RAD21L1: variants seen among roughly 807,000 people sequenced by gnomAD.
The protein encoded by RAD21L1 is double-strand-break repair protein rad21-like protein 1.
Under a neutral mutation model 69.0 loss-of-function variants are expected in RAD21L1, and 47 were observed. The observed-to-expected ratio is 0.68, with a 90% confidence interval of 0.54 to 0.87. The LOEUF is 0.87. RAD21L1 is among the 40% of genes least tolerant of loss of function. The pLI, the probability that RAD21L1 is intolerant of heterozygous loss-of-function variation, is 0.00. For synonymous variants in RAD21L1, 177 were observed against 205.8 expected (o/e 0.86, Z 1.20); for missense variants, 583 against 647.6 (o/e 0.90, Z 1.08).
intron 13 of RAD21L1, among the ~76,000 whole-genome samples, chr20:1,250,236 T>G (rs1446597102): frequency 6.6e-6 from 1 of 151,592 alleles, no homozygotes; most frequent in Non-Finnish European, 1.5e-5. Context: ...GTGCCACATT[T>G]TCTTTCTTTT....
chr20:1,230,540 C>A, intron 3 of RAD21L1: 1 of 553,806 alleles, frequency 1.8e-6, no homozygotes, highest in Non-Finnish European at 2.3e-6. Flanking sequence ...TTTTTATTTT[C>A]TACCTTGTAT....
At position 1,243,126 on chromosome 20, in the gene RAD21L1, C is replaced by T; in HGVS notation, c.1113C>T (p.Gly371=). ...TTACAAAATGCTTTCTGTCCTCTGG[C>T]TTTAAACTTGGAAGAAAAATGATAC... is the stretch of plus-strand genomic sequence containing the variant. The part of the protein sequence containing the change: ...MLFTKCFLSS[G]FKLGRKMIQK... The change falls in exon 10 of 14, where the codon GGC becomes GGT. Residue 371 remains glycine, a synonymous_variant. Coordinates refer to ENST00000683101, the MANE Select transcript of RAD21L1 (RefSeq NM_001384355.1). The T allele has an allele frequency of 6.5e-7, 1 of 1,538,628 alleles. No individual in the cohort carries two copies. Among genetic ancestry groups the T allele is most frequent in the Non-Finnish European group, 8.8e-7 (1 of 1,142,472 alleles).
At chr20:1,242,508 C>T (rs1422371236) in intron 8 of RAD21L1, 111 bp from the exon 9 acceptor site, 7 of 808,598 alleles carry the variant, frequency 8.7e-6, no homozygotes, top group East Asian at 2.7e-5. Context: ...GCTAGGATTA[C>T]AGGCATGAGC....
intron 4 of RAD21L1, among the ~76,000 whole-genome samples, chr20:1,233,009 A>G (rs1407099806): frequency 1.3e-5 from 2 of 152,190 alleles, no homozygotes; most frequent in East Asian, 1.9e-4. Context: ...AAAAGACACC[A>G]TCTATGAGGA....
chr20:1,233,368 G>C (rs2087431771), intron 4 of RAD21L1, among the ~76,000 whole-genome samples: 1 of 152,152 alleles, frequency 6.6e-6, no homozygotes, highest in Non-Finnish European at 1.5e-5. Flanking sequence ...GTCATTCCCA[G>C]TAGTTAGTCT....
chr20:1,234,332 T>G (rs1042865375), intron 5 of RAD21L1, 141 bp downstream of exon 5: 42 of 588,970 alleles, frequency 7.1e-5, no homozygotes, highest in Admixed American at 2.3e-4. Flanking sequence ...TTTCCTTGCC[T>G]TTTTCTAGTA....
At chr20:1,230,072 G>A (rs2087359295) in intron 3 of RAD21L1, 63 bp downstream of exon 3, 2 of 1,306,208 alleles carry the variant, frequency 1.5e-6, no homozygotes, top group South Asian at 2.8e-5. Context: ...TTGGGGGTGG[G>A]ATCTTTTAAT....
intron 12 of RAD21L1, among the ~76,000 whole-genome samples, chr20:1,247,233 CT>C (rs879906151): frequency 3.9e-5 from 6 of 152,142 alleles, no homozygotes; most frequent in African/African-American, 1.4e-4. Context: ...ATCCACTGGG[CT>C]TTTTACACAA....
intron 13 of RAD21L1, among the ~76,000 whole-genome samples, chr20:1,248,965 T>A (rs552386885): frequency 6.6e-6 from 1 of 152,310 alleles, no homozygotes; most frequent in East Asian, 1.9e-4. Flanking sequence ...GTTTTTAGCA[T>A]GATACCAACT....
intron 9 of RAD21L1, 74 bp downstream of exon 9, chr20:1,242,919 T>C: frequency 9.7e-7 from 1 of 1,036,220 alleles, no homozygotes; most frequent in Non-Finnish European, 1.4e-6. Flanking sequence ...AATAAACACA[T>C]ATTTACATAC....
At position 1,238,090 on chromosome 20, in the gene RAD21L1, C is replaced by A. The variant is rs761216513; in HGVS notation, c.522C>A (p.Asn174Lys). Residue 174 changes from asparagine (N) to lysine (K), a missense_variant, in exon 6 of 14, where the codon AAC becomes AAA. Physicochemically the swap from Asn to Lys is moderately conservative, Grantham distance 94 (BLOSUM62 0). Coordinates refer to ENST00000683101, the MANE Select transcript of RAD21L1 (RefSeq NM_001384355.1). Reference sequence around the variant, plus strand: ...GAAGACATAGCTTCTTTGATGACAACATATTACTGAATTCCAGTGGTCCTT... The same window carrying A: ...GAAGACATAGCTTCTTTGATGACAAAATATTACTGAATTCCAGTGGTCCTT... The part of the protein sequence containing the change: ...ILRRHSFFDD[N>K]ILLNSSGPLI... The A allele has an allele frequency of 1.0e-5, 16 of 1,540,082 alleles. No homozygotes were observed. The highest frequency in any genetic ancestry group is 1.4e-5 in the Non-Finnish European group (16 of 1,138,842).
At chr20:1,230,141 G>A (rs1013813924) in intron 3 of RAD21L1, 132 bp downstream of exon 3, 1 of 630,574 alleles carries the variant, frequency 1.6e-6, no homozygotes, top group Non-Finnish European at 2.5e-6. Context: ...AAGTTTCCAT[G>A]GTTGAGGATA....
chr20:1,231,538 T>C lies in RAD21L1; in HGVS notation c.287T>C (p.Leu96Pro). The C allele has an allele frequency of 6.5e-7, 1 of 1,532,668 alleles. No individual in the cohort carries two copies. The highest frequency in any genetic ancestry group is 8.8e-7 in the Non-Finnish European group (1 of 1,133,080). The allele number at this position is 1,532,668 out of a possible 1,614,324, so 94.9% of individuals were successfully genotyped here. A position where few individuals can be genotyped will look rare whatever the true frequency, so the allele number is the denominator to read the frequency against. ...KMTFCPGLVD[L>P]PKENFEASYN... is the part of the protein sequence containing the mutation. Reference sequence around the variant, plus strand: ...TGATCCTTTTCAGGACTGGTTGACCTTCCAAAAGAGAATTTTGAAGCATCT... The same window carrying C: ...TGATCCTTTTCAGGACTGGTTGACCCTCCAAAAGAGAATTTTGAAGCATCT... Residue 96 changes from leucine (L) to proline (P), a missense_variant, in exon 4 of 14, where the codon CTT (leucine) becomes CCT (proline). Leu to Pro is a moderately conservative substitution (Grantham distance 98, BLOSUM62 -3). Coordinates refer to ENST00000683101, the MANE Select transcript of RAD21L1 (RefSeq NM_001384355.1).
At chr20:1,248,529 A>T in intron 12 of RAD21L1, 97 bp from the exon 13 acceptor site, 1 of 606,388 alleles carries the variant, frequency 1.6e-6, no homozygotes, top group Non-Finnish European at 2.9e-6. Flanking sequence ...CCATTGTAAT[A>T]ATTGTGTTTC....
chr20:1,254,963 G>C lies in RAD21L1; in HGVS notation c.*506G>C, dbSNP rs931633609. Among the ~76,000 whole-genome samples the C allele has an allele frequency of 6.6e-6, 1 of 152,080 alleles. No homozygotes were observed. The highest frequency in any genetic ancestry group is 1.5e-5 in the Non-Finnish European group (1 of 68,022). On this transcript the variant is annotated 3_prime_UTR_variant, in exon 14 of 14. Transcript: ENST00000683101. Reference sequence around the variant, plus strand: ...GACATTCAAAGATGTTTCTTAAAAGGCTATTTTACATTGGAGTATTTACTT... The same window carrying C: ...GACATTCAAAGATGTTTCTTAAAAGCCTATTTTACATTGGAGTATTTACTT...
intron 4 of RAD21L1, among the ~76,000 whole-genome samples, chr20:1,231,952 T>C (rs2087399269): frequency 6.6e-6 from 1 of 152,122 alleles, no homozygotes. Context: ...TAAATTTTAT[T>C]TGGGGTAGCT....
chr20:1,242,855 C>G lies in RAD21L1; in HGVS notation c.1083+10C>G, dbSNP rs199754566. On this transcript the variant is annotated intron_variant, in intron 9 of 13. Transcript: ENST00000683101. ...TGCTGAACTGAAAATGGTAACGGTT[C>G]CTACCCTTCTACATGTGAGCAATGT... 2.6e-6 allele frequency: 4 copies of G among 1,523,024 alleles called. No homozygotes were observed. Among genetic ancestry groups the G allele is most frequent in the Non-Finnish European group, 3.6e-6 (4 of 1,121,082 alleles). 94.3% of individuals were successfully genotyped at this position (1,523,024 alleles called of 1,614,324 possible). A position where few individuals can be genotyped will look rare whatever the true frequency, so the allele number is the denominator to read the frequency against.
At position 1,229,746 on chromosome 20, in the gene RAD21L1, T is replaced by C. The variant is rs1346289284; in HGVS notation, c.145-134T>C. ...TCATTTTGCAAGGTAAGGTAAAAAG[T>C]GATATACTTTAACTAAGAATACAAA... is the stretch of plus-strand genomic sequence containing the variant. On this transcript the variant is annotated intron_variant, in intron 2 of 13. Transcript: ENST00000683101. 3 of 628,812 alleles carry C rather than the reference T, an allele frequency of 4.8e-6. No homozygotes were observed. The African/African-American group carries it at 5.5e-5, about 11-fold the overall frequency. 39.0% of individuals were successfully genotyped at this position (628,812 alleles called of 1,614,324 possible). A position where few individuals can be genotyped will look rare whatever the true frequency, so the allele number is the denominator to read the frequency against.
chr20:1,226,930 G>A (rs2087275604), intron 1 of RAD21L1, among the ~76,000 whole-genome samples: 1 of 152,090 alleles, frequency 6.6e-6, no homozygotes, highest in Non-Finnish European at 1.5e-5. Flanking sequence ...ATTTTTTTGA[G>A]ACGGAGTCGC....
Sources: gnomAD v4.1 joint callset for allele counts (sites outside exome capture counted in the v4.1 genomes callset) on GRCh38, gnomAD v4.1.1 for gene constraint, MANE v1.5 for transcripts, NCBI Gene and HGNC (gene_info 2026-07-23, HGNC 2026-07-21) for gene names.